The following DSTYK variants were observed in gnomAD, a reference collection of about 807,000 sequenced individuals.
DSTYK encodes the protein RIP-homologous kinase.
A neutral mutation model predicts 98.7 loss-of-function variants in DSTYK; 34 were observed. That is an observed-to-expected ratio of 0.34 (90% CI 0.26 to 0.46). The LOEUF (loss-of-function observed/expected upper bound fraction) is 0.46. DSTYK is among the 20% of genes least tolerant of loss of function. DSTYK has a pLI of 1.00. For synonymous variants in DSTYK, 462 were observed against 457.3 expected (o/e 1.01, Z -0.13); for missense variants, 962 against 1,181.7 (o/e 0.81, Z 2.73).
chr1:205,202,290 C>T, intron 1 of DSTYK: 3 of 653,480 alleles, frequency 4.6e-6, no homozygotes, highest in Non-Finnish European at 8.8e-6. Context: ...TGACACTTCT[C>T]AGGCCATCAA....
At chr1:205,208,571 CATTCAT>C (rs1659273414) in intron 1 of DSTYK, among the ~76,000 whole-genome samples, 1 of 152,136 alleles carries the variant, frequency 6.6e-6, no homozygotes. Flanking sequence ...CAGAGACTAA[CATTCAT>C]AAAAGAAAGT....
Position 205,169,508 on chromosome 1 carries a change from T to G in DSTYK, c.979A>C (p.Thr327Pro). Residue 327 changes from threonine to proline, a missense_variant, in exon 3 of 13, where the codon ACT becomes CCT. Transcript: ENST00000367162. The surrounding 1 kb of genome is among the most constrained non-coding windows in gnomAD (Gnocchi z 4.0). ...HWNCGAPGQDTKAQSMLVEQS... is the reference protein window; with the variant it reads ...HWNCGAPGQDPKAQSMLVEQS... ...TCCACCAACATGCTCTGAGCTTTAG[T>G]ATCCTGGCCAGGAGCCCCACAGTTC... 1 of 1,614,118 alleles carries G rather than the reference T, an allele frequency of 6.2e-7. No individual in the cohort carries two copies.
chr1:205,170,234 C>A (rs763171135), intron 2 of DSTYK, among the ~76,000 whole-genome samples: 2 of 152,150 alleles, frequency 1.3e-5, no homozygotes, highest in African/African-American at 4.8e-5. Flanking sequence ...ACTCCTCCCC[C>A]TCTTGCTCTC....
At position 205,176,476 on chromosome 1, in the gene DSTYK, TA is replaced by T. The variant is rs61291677; in HGVS notation, c.655-6645del. Among the ~76,000 whole-genome samples, 291 of 43,042 alleles carry T rather than the reference TA, an allele frequency of 6.8e-3. 1 individual carries two copies. Among genetic ancestry groups the T allele is most frequent in the African/African-American group, 0.02 (274 of 13,962 alleles). The allele number at this position is 43,042 out of a possible 152,430, so 28.2% of individuals were successfully genotyped here. A position where few individuals can be genotyped will look rare whatever the true frequency, so the allele number is the denominator to read the frequency against. On this transcript the variant is annotated intron_variant, in intron 2 of 12. Coordinates refer to ENST00000367162, the MANE Select transcript of DSTYK (RefSeq NM_015375.3). ...GGGCAACAAGAGTGAAACTCCCTCT[TA>T]AAAAAAAAAAAAAAAAAAAAAAAAA...
At chr1:205,153,612 C>T (rs1011392394) in intron 10 of DSTYK, among the ~76,000 whole-genome samples, 1 of 152,072 alleles carries the variant, frequency 6.6e-6, no homozygotes, top group Non-Finnish European at 1.5e-5. Context: ...TGTTAAATTT[C>T]TTGGGTATGA....
chr1:205,180,278 G>A (rs375627493), intron 2 of DSTYK, among the ~76,000 whole-genome samples: 59 of 52,938 alleles, frequency 1.1e-3, no homozygotes, highest in African/African-American at 3.4e-3. Flanking sequence ...CCCAGCCCCC[G>A]ACAGGCCCCC....
intron 1 of DSTYK, among the ~76,000 whole-genome samples, chr1:205,191,246 C>T (rs894369192): frequency 2.0e-5 from 3 of 152,238 alleles, no homozygotes; most frequent in Non-Finnish European, 4.4e-5. Context: ...CTTTGCTTCT[C>T]CCACTAAATC....
Position 205,178,856 on chromosome 1 carries a change from C to T in DSTYK, c.654+8562G>A, listed in dbSNP as rs184760427. Among the ~76,000 whole-genome samples the T allele has an allele frequency of 9.2e-5, 14 of 152,200 alleles. 2 individuals carry two copies. Among genetic ancestry groups the T allele is most frequent in the Admixed American group, 6.5e-4 (10 of 15,272 alleles). On this transcript the variant is annotated intron_variant, in intron 2 of 12. Transcript: ENST00000367162. The stretch of plus-strand genomic sequence containing the variant: ...ATTCTAAAAGATAGGAATTATAGGC[C>T]GGGCACACTGACTCATGTTTGTAAT...
intron 9 of DSTYK, among the ~76,000 whole-genome samples, chr1:205,159,192 G>A (rs1657643781): frequency 1.3e-5 from 2 of 152,036 alleles, no homozygotes; most frequent in African/African-American, 4.8e-5. Flanking sequence ...AAGCGCAAGA[G>A]ATCCTCCCAG....
At chr1:205,180,984 G>C (rs1574779476) in intron 2 of DSTYK, among the ~76,000 whole-genome samples, 2 of 152,226 alleles carry the variant, frequency 1.3e-5, no homozygotes, top group East Asian at 1.9e-4. Flanking sequence ...AAACAAAATA[G>C]GATTACTGCC....
Position 205,169,897 on chromosome 1 carries a change from G to A in DSTYK, c.655-65C>T. ...CAGAACCAATCCCTGTCTCCCCAAAGTCCCACACTGAGACCAAAATCCTGA... is the reference window on the plus strand; with the variant it reads ...CAGAACCAATCCCTGTCTCCCCAAAATCCCACACTGAGACCAAAATCCTGA... On this transcript the variant is annotated intron_variant, in intron 2 of 12. Transcript: ENST00000367162. This position sits in a 1 kb window ranked among gnomAD's most constrained non-coding sequence, Gnocchi z 4.0. 6.8e-7 allele frequency: 1 copy of A among 1,470,246 alleles called. No individual in the cohort carries two copies. Among genetic ancestry groups the A allele is most frequent in the Non-Finnish European group, 9.1e-7 (1 of 1,101,000 alleles). 91.1% of individuals were successfully genotyped at this position (1,470,246 alleles called of 1,614,324 possible).
At position 205,145,207 on chromosome 1, in the gene DSTYK, T is replaced by C. The variant is rs924488217; in HGVS notation, c.*2351A>G. 6.6e-6 allele frequency: 1 copy of C among 152,180 alleles called. No homozygotes were observed. Among genetic ancestry groups the C allele is most frequent in the African/African-American group, 2.4e-5 (1 of 41,450 alleles). The allele number at this position is 152,180 out of a possible 1,614,324, so 9.4% of individuals were successfully genotyped here. On this transcript the variant is annotated 3_prime_UTR_variant, in exon 13 of 13. Transcript: ENST00000367162. ...ATAGCTAAATAGGTGGTAAAAATTC[T>C]GAGAATATACTGAACATCCTACCAA... is the stretch of plus-strand genomic sequence containing the variant.
chr1:205,173,390 C>CAAAAAAAAAAAAA (rs570805658), intron 2 of DSTYK: 1 of 82,606 alleles, frequency 1.2e-5, no homozygotes, highest in Non-Finnish European at 2.2e-5. Flanking sequence ...GAGACTGTCT[C>CAAAAAAAAAAAAA]AAAAAAAAAA....
In DSTYK at chr1:205,163,914, C is replaced by T. The variant is rs1269330349; in HGVS notation, c.1366G>A (p.Glu456Lys). The change falls in exon 4 of 13, where the codon GAG becomes AAG. Residue 456 changes from glutamate (E) to lysine (K), a missense_variant. Glu to Lys is a moderately conservative substitution (Grantham distance 56, BLOSUM62 1). Transcript: ENST00000367162. ...PENGEPVGTR[E>K]IKCCIRQIQE... ...ATCTGTCGGATGCAGCATTTGATCTCTCTGGTGCCTACTGGTTCTCCATTC... is the reference window on the plus strand; with the variant it reads ...ATCTGTCGGATGCAGCATTTGATCTTTCTGGTGCCTACTGGTTCTCCATTC... 2.5e-6 allele frequency: 4 copies of T among 1,614,152 alleles called. No homozygotes were observed. The highest frequency in any genetic ancestry group is 3.4e-6 in the Non-Finnish European group (4 of 1,180,028).
rs1478167886 is a variant in DSTYK at position 205,157,334 on chromosome 1, C to A, written c.2291G>T (p.Gly764Val). 8 of 1,614,144 alleles carry A rather than the reference C, an allele frequency of 5.0e-6. No individual in the cohort carries two copies. The highest frequency in any genetic ancestry group is 6.8e-6 in the Non-Finnish European group (8 of 1,180,018). ...RLQIALDVVEGIRFLHSQGLV... is the reference protein window; with the variant it reads ...RLQIALDVVEVIRFLHSQGLV... ...TCCCTGGCTGTGCAGGAAGCGGATTCCCTCCACCACATCTAGTGCTATCTG... is the reference window on the plus strand; with the variant it reads ...TCCCTGGCTGTGCAGGAAGCGGATTACCTCCACCACATCTAGTGCTATCTG... The change falls in exon 10 of 13, where the codon GGA becomes GTA. Residue 764 changes from glycine (G) to valine (V), a missense_variant. By Grantham distance (109) the Gly-to-Val change is moderately radical (BLOSUM62 -3). Coordinates refer to ENST00000367162, the MANE Select transcript of DSTYK (RefSeq NM_015375.3).
chr1:205,191,176 T>C (rs1194631914), intron 1 of DSTYK, among the ~76,000 whole-genome samples: 1 of 152,232 alleles, frequency 6.6e-6, no homozygotes, highest in Admixed American at 6.5e-5. Flanking sequence ...CCCAGTACAC[T>C]GTTAGAAGTC....
chr1:205,160,290 A>G lies in DSTYK; in HGVS notation c.1949-20T>C. 6.2e-7 allele frequency: 1 copy of G among 1,603,944 alleles called. No homozygotes were observed. The highest frequency in any genetic ancestry group is 8.5e-7 in the Non-Finnish European group (1 of 1,175,654). On this transcript the variant is annotated intron_variant, in intron 7 of 12. Coordinates refer to ENST00000367162, the MANE Select transcript of DSTYK (RefSeq NM_015375.3). ...GTTTACCTATAAGGTACAGAGACAG[A>G]GATAAGGCAGGAGGAATGGGAACTT...
rs1014381570 is a variant in DSTYK, at chr1:205,142,769, T to C, written c.*4789A>G. The C allele has an allele frequency of 1.3e-5, 2 of 152,260 alleles. No individual in the cohort carries two copies. Among genetic ancestry groups the C allele is most frequent in the African/African-American group, 4.8e-5 (2 of 41,458 alleles). 9.4% of individuals were successfully genotyped at this position (152,260 alleles called of 1,614,324 possible). ...ATTGTCTTTTGTTATTGCACTTTTA[T>C]TCTACACACTTAGTATCTTACACTT... On this transcript the variant is annotated 3_prime_UTR_variant, in exon 13 of 13. Coordinates refer to ENST00000367162, the MANE Select transcript of DSTYK (RefSeq NM_015375.3).
chr1:205,211,386 C>T lies in DSTYK; in HGVS notation c.150G>A (p.Lys50=). 1 of 1,612,446 alleles carries T rather than the reference C, an allele frequency of 6.2e-7. No homozygotes were observed. Among genetic ancestry groups the T allele is most frequent in the Non-Finnish European group, 8.5e-7 (1 of 1,179,508 alleles). ...RLRQNLRETQ[K]FFRDIKCSHN... is the part of the protein sequence containing the mutation. ...GGGAGCACTTGATGTCGCGGAAGAA[C>T]TTCTGGGTCTCGCGCAGGTTCTGTC... The change falls in exon 1 of 13, where the codon AAG becomes AAA. Residue 50 remains lysine (K), a synonymous_variant. Coordinates refer to ENST00000367162, the MANE Select transcript of DSTYK (RefSeq NM_015375.3).
Sources: allele counts gnomAD v4.1 joint callset (sites outside exome capture counted in the v4.1 genomes callset), GRCh38; gene constraint gnomAD v4.1.1; non-coding constraint Gnocchi (gnomAD v3.1); transcripts MANE v1.5; gene names NCBI Gene and HGNC (gene_info 2026-07-23, HGNC 2026-07-21).